The following BBX variants were observed in gnomAD, a reference collection of about 807,000 sequenced individuals.
BBX encodes BBX high mobility group box domain containing, also known as HMG box transcription factor BBX.
Under a neutral mutation model 100.2 loss-of-function variants are expected in BBX, and 30 were observed. The ratio of observed to expected loss-of-function variants is 0.30; its 90% CI spans 0.22 to 0.41. The LOEUF (loss-of-function observed/expected upper bound fraction) is 0.41, where lower values mean the gene tolerates loss of function less well. BBX is among the 10% of genes least tolerant of loss of function. BBX has a pLI of 1.00. For synonymous variants in BBX, 376 were observed against 388.1 expected (o/e 0.97, Z 0.37); for missense variants, 1,023 against 1,129.8 (o/e 0.91, Z 1.35).
intron 12 of BBX, chr3:107,776,466 C>T (rs1378108964): frequency 6.6e-6 from 1 of 152,140 alleles, no homozygotes; most frequent in African/African-American, 2.4e-5. Flanking sequence ...GCCTTTTCCT[C>T]CTTTCTCCCT....
intron 8 of BBX, among the ~76,000 whole-genome samples, chr3:107,747,720 C>A (rs890401001): frequency 6.6e-6 from 1 of 150,676 alleles, no homozygotes; most frequent in African/African-American, 2.4e-5. Context: ...TGATATATAC[C>A]TGGTACCCTT....
Position 107,734,829 on chromosome 3 carries a change from G to C in BBX, c.669+1806G>C, listed in dbSNP as rs544640763. Among the ~76,000 whole-genome samples, 10 of 152,180 alleles carry C rather than the reference G, an allele frequency of 6.6e-5. No individual in the cohort carries two copies. The South Asian group carries it at 2.1e-3, about 32-fold the overall frequency. ...AAGTTCTCCTACTCCTTCTTAAGAAGGCAGAGTTTTGACACATGCAACTCA... is the reference window on the plus strand; with the variant it reads ...AAGTTCTCCTACTCCTTCTTAAGAACGCAGAGTTTTGACACATGCAACTCA... On this transcript the variant is annotated intron_variant, in intron 7 of 17. Transcript: ENST00000325805.
In BBX at chr3:107,710,560, A is replaced by G. The variant is rs756898704; in HGVS notation, c.100A>G (p.Lys34Glu). 7.4e-6 allele frequency: 12 copies of G among 1,613,950 alleles called. No individual in the cohort carries two copies. Among genetic ancestry groups the G allele is most frequent in the South Asian group, 1.1e-5 (1 of 91,072 alleles). The change falls in exon 4 of 18, where the codon AAG (lysine) becomes GAG (glutamate). Residue 34 changes from lysine (K) to glutamate (E), a missense_variant. This residue lies in a region of BBX where 229 missense variants were observed against 226.3 expected (regional missense o/e 1.01). Coordinates refer to ENST00000325805, the MANE Select transcript of BBX (RefSeq NM_001142568.3). ...KCLQWHPLLA[K>E]KLLDFSEEEE... ...TCTTCAGTGGCATCCATTGCTAGCA[A>G]AGAAACTTCTTGATTTTTCAGAAGA...
intron 15 of BBX, among the ~76,000 whole-genome samples, chr3:107,797,407 T>C (rs1426858928): frequency 1.5e-5 from 2 of 135,920 alleles, no homozygotes; most frequent in African/African-American, 5.4e-5. Context: ...CTCCTCTGGA[T>C]TTAGTTTGCT....
chr3:107,753,712 C>T (rs1194119582), intron 9 of BBX, among the ~76,000 whole-genome samples: 9 of 152,086 alleles, frequency 5.9e-5, no homozygotes. Flanking sequence ...CAGAGGGAGC[C>T]AGTGGAAGAA....
chr3:107,579,457 A>G (rs748738248), intron 2 of BBX, among the ~76,000 whole-genome samples: 2 of 152,182 alleles, frequency 1.3e-5, no homozygotes, highest in African/African-American at 2.4e-5. Flanking sequence ...CAAGCTTCAT[A>G]CTGGATCCCT....
In BBX at chr3:107,584,028, T is replaced by C. The variant is rs1373773480; in HGVS notation, c.-84+57630T>C. The stretch of plus-strand genomic sequence containing the variant: ...TATATATATTATACATATTATTATA[T>C]ATATTAATTATATATATTATATATA... On this transcript the variant is annotated intron_variant, in intron 2 of 17. Transcript: ENST00000325805. Among the ~76,000 whole-genome samples the C allele has an allele frequency of 9.4e-4, 62 of 66,010 alleles. 2 individuals carry two copies. The highest frequency in any genetic ancestry group is 3.8e-3 in the African/African-American group (58 of 15,118). The allele number at this position is 66,010 out of a possible 152,430, so 43.3% of individuals were successfully genotyped here.
At chr3:107,553,500 G>C (rs1173228580) in intron 2 of BBX, among the ~76,000 whole-genome samples, 2 of 152,138 alleles carry the variant, frequency 1.3e-5, no homozygotes, top group Admixed American at 6.5e-5. Context: ...TTTAACGTAT[G>C]GGCTAAAGGA....
intron 2 of BBX, among the ~76,000 whole-genome samples, chr3:107,636,977 A>G (rs2056886599): frequency 6.6e-6 from 1 of 152,218 alleles, no homozygotes; most frequent in Admixed American, 6.5e-5. Context: ...CTCTTCATAT[A>G]TTCTCAACTG....
chr3:107,601,761 G>A (rs1359469044), intron 2 of BBX, among the ~76,000 whole-genome samples: 2 of 152,238 alleles, frequency 1.3e-5, no homozygotes, highest in Non-Finnish European at 2.9e-5. Context: ...TTATCCAGAA[G>A]ATCTAGATAA....
At chr3:107,782,619 T>A (rs965230522) in intron 13 of BBX, among the ~76,000 whole-genome samples, 5 of 152,100 alleles carry the variant, frequency 3.3e-5, no homozygotes, top group African/African-American at 4.8e-5. Flanking sequence ...CATTCATTTT[T>A]CAGCAAACCT....
At chr3:107,588,238 C>T (rs892942705) in intron 2 of BBX, among the ~76,000 whole-genome samples, 1 of 151,618 alleles carries the variant, frequency 6.6e-6, no homozygotes, top group Non-Finnish European at 1.5e-5. Context: ...GTGTATGAGC[C>T]AGGTCTTAGA....
Position 107,798,742 on chromosome 3 carries a change from C to T in BBX, c.2551+22C>T, listed in dbSNP as rs183355463. The stretch of plus-strand genomic sequence containing the variant: ...TTGGGTAAGAAGAGAGAGCTTTAGA[C>T]CAGAGGTGTCCAATCTTTTAGCTTC... On this transcript the variant is annotated intron_variant, in intron 16 of 17. Coordinates refer to ENST00000325805, the MANE Select transcript of BBX (RefSeq NM_001142568.3). 3.2e-4 allele frequency: 520 copies of T among 1,607,306 alleles called. 2 individuals carry two copies. The African/African-American group carries it at 6.4e-3, about 20-fold the overall frequency.
chr3:107,766,923 G>A (rs1207801689), intron 10 of BBX, among the ~76,000 whole-genome samples: 2 of 152,166 alleles, frequency 1.3e-5, no homozygotes. Flanking sequence ...GATGAAGCTG[G>A]AAACCATTCT....
chr3:107,770,012 C>T (rs1419428571), intron 10 of BBX, among the ~76,000 whole-genome samples: 2 of 152,118 alleles, frequency 1.3e-5, no homozygotes, highest in Admixed American at 1.3e-4. Flanking sequence ...TTAACATAAT[C>T]TGTGAAAAAA....
intron 2 of BBX, among the ~76,000 whole-genome samples, chr3:107,561,669 ATATAT>A: frequency 6.6e-6 from 1 of 152,226 alleles, no homozygotes; most frequent in Non-Finnish European, 1.5e-5. Flanking sequence ...TCAAAATGCT[ATATAT>A]TATTTACTCA....
rs545157897 is a variant in BBX, at chr3:107,676,183, C to G, written c.-10+30274C>G. ...AGAAAACAAAACAATGAGTCTATAACTAAGGTAATTTAGATAGATGTGGAT... is the reference window on the plus strand; with the variant it reads ...AGAAAACAAAACAATGAGTCTATAAGTAAGGTAATTTAGATAGATGTGGAT... On this transcript the variant is annotated intron_variant, in intron 3 of 17. Coordinates refer to ENST00000325805, the MANE Select transcript of BBX (RefSeq NM_001142568.3). Among the ~76,000 whole-genome samples, 8 of 152,072 alleles carry G rather than the reference C, an allele frequency of 5.3e-5. No individual in the cohort carries two copies. In the South Asian group the frequency reaches 1.7e-3, roughly 32 times the overall value.
chr3:107,705,794 T>A (rs2061357393), intron 3 of BBX, among the ~76,000 whole-genome samples: 1 of 152,188 alleles, frequency 6.6e-6, no homozygotes, highest in African/African-American at 2.4e-5. Context: ...TATTATTATT[T>A]AGTTTTAACA....
chr3:107,759,771 G>A (rs944475927), intron 10 of BBX, among the ~76,000 whole-genome samples: 1 of 152,096 alleles, frequency 6.6e-6, no homozygotes, highest in South Asian at 2.1e-4. Flanking sequence ...TTCTAAGATC[G>A]GTGATATAGG....
Sources: gnomAD v4.1 joint callset for allele counts (sites outside exome capture counted in the v4.1 genomes callset) on GRCh38, gnomAD v4.1.1 for gene constraint, gnomAD v4.1.1 regional missense constraint, MANE v1.5 for transcripts, NCBI Gene and HGNC (gene_info 2026-07-23, HGNC 2026-07-21) for gene names.